PCNX2: variants seen among roughly 807,000 people sequenced by gnomAD.
PCNX2 encodes the protein pecanex 2, also known as pecanex-like protein 2.
Under a neutral mutation model 223.8 loss-of-function variants are expected in PCNX2, and 168 were observed. The ratio of observed to expected loss-of-function variants is 0.75; its 90% confidence interval spans 0.66 to 0.85. PCNX2 has a LOEUF of 0.85. PCNX2 is among the 40% of genes least tolerant of loss of function. PCNX2 has a pLI of 0.00. For synonymous variants in PCNX2, 1,006 were observed against 1,052.6 expected, an observed-to-expected ratio of 0.96 and a Z score of 0.86; for missense variants, 2,507 against 2,675.5, an observed-to-expected ratio of 0.94 and a Z score of 1.39.
chr1:233,124,518 TAGTC>T (rs1675992278), intron 21 of PCNX2, among the ~76,000 whole-genome samples: 1 of 152,184 alleles, frequency 6.6e-6, no homozygotes, highest in South Asian at 2.1e-4. Context: ...TAATGAGAAT[TAGTC>T]AGTCCACATA....
chr1:233,001,540 G>C lies in PCNX2; in HGVS notation c.5094C>G (p.His1698Gln). The change falls in exon 29 of 34, where the codon CAC becomes CAG. Residue 1698 changes from histidine (H) to glutamine (Q), a missense_variant. His to Gln is a conservative substitution (Grantham distance 24, BLOSUM62 0). Transcript: ENST00000258229. This position sits in a 1 kb window ranked among gnomAD's most constrained non-coding sequence, Gnocchi z 4.2. ...APAIRMSLKL[H>Q]QDQFTCPDEY... ...AATAAATAAAATAGGTTTTTACCTG[G>C]TGAAGTTTCAGGGACATCCTGATAG... 1 of 1,370,734 alleles carries C rather than the reference G, an allele frequency of 7.3e-7. No homozygotes were observed. Among genetic ancestry groups the C allele is most frequent in the South Asian group, 2.2e-5 (1 of 44,776 alleles). 84.9% of individuals were successfully genotyped at this position (1,370,734 alleles called of 1,614,324 possible).
intron 12 of PCNX2, 99 bp downstream of exon 12, chr1:233,217,800 G>C: frequency 8.0e-7 from 1 of 1,255,898 alleles, no homozygotes; most frequent in South Asian, 1.4e-5. Flanking sequence ...AGTATAGAGA[G>C]CTAGGTACAG....
rs1256614245 is a variant in PCNX2 at position 233,090,140 on chromosome 1, G to A, written c.3997C>T (p.Pro1333Ser). 1.9e-6 allele frequency: 3 copies of A among 1,613,744 alleles called. No individual in the cohort carries two copies. The highest frequency in any genetic ancestry group is 3.3e-5 in the Admixed American group (2 of 59,990). Residue 1333 changes from proline to serine, a missense_variant, in exon 23 of 34, where the codon CCA becomes TCA. This residue lies in a region of PCNX2 where 1,372 missense variants were observed against 1,509.4 expected (regional missense o/e 0.91). Transcript: ENST00000258229. ...ACACTCCCAAGAAATGGGCTCAATGGGGTAGAAAAGATTGATGTGGCAATC... is the reference window on the plus strand; with the variant it reads ...ACACTCCCAAGAAATGGGCTCAATGAGGTAGAAAAGATTGATGTGGCAATC... ...QTIATSIFSTPLSPFLGSVIF... is the reference protein window; with the variant it reads ...QTIATSIFSTSLSPFLGSVIF...
chr1:233,134,581 G>C (rs1367116195), intron 21 of PCNX2, among the ~76,000 whole-genome samples: 2 of 152,032 alleles, frequency 1.3e-5, no homozygotes, highest in Admixed American at 6.6e-5. Flanking sequence ...AAGGCAGAGA[G>C]GCGGGAAGGC....
chr1:233,303,548 G>A, the PCNX2 span, among the ~76,000 whole-genome samples: 11,103 of 152,140 alleles, frequency 0.073, 445 homozygotes, highest in Non-Finnish European at 0.088. Flanking sequence ...TATCTATAAA[G>A]CCATTTATAC....
At chr1:233,170,950 T>A (rs1679114429) in intron 17 of PCNX2, among the ~76,000 whole-genome samples, 1 of 152,172 alleles carries the variant, frequency 6.6e-6, no homozygotes, top group African/African-American at 2.4e-5. Flanking sequence ...AAATCCGAAA[T>A]GCAAAACACT....
chr1:233,150,019 C>T (rs1677700871), intron 19 of PCNX2, among the ~76,000 whole-genome samples: 1 of 152,062 alleles, frequency 6.6e-6, no homozygotes. Context: ...TCCCAACCCC[C>T]TATGTGTTTC....
chr1:233,026,103 A>T (rs1371921434), intron 25 of PCNX2, among the ~76,000 whole-genome samples: 1 of 152,216 alleles, frequency 6.6e-6, no homozygotes, highest in Non-Finnish European at 1.5e-5. Context: ...ACACAAAAAA[A>T]TAATAATAAA....
Position 232,983,928 on chromosome 1 carries a change from G to C in PCNX2, c.*376C>G, listed in dbSNP as rs905254767. The stretch of plus-strand genomic sequence containing the variant: ...ATCAGGGCATTTGTTTCATGGCTCT[G>C]TTGAGTTGTTTTAAGTTAGTGAATG... On this transcript the variant is annotated 3_prime_UTR_variant, in exon 34 of 34. Coordinates refer to ENST00000258229, the MANE Select transcript of PCNX2 (RefSeq NM_014801.4). The C allele has an allele frequency of 1.2e-5, 2 of 169,630 alleles. No individual in the cohort carries two copies. The highest frequency in any genetic ancestry group is 4.7e-5 in the African/African-American group (2 of 42,238). 10.5% of individuals were successfully genotyped at this position (169,630 alleles called of 1,614,324 possible). A position where few individuals can be genotyped will look rare whatever the true frequency, so the allele number is the denominator to read the frequency against.
chr1:232,998,983 A>G, intron 31 of PCNX2, 122 bp downstream of exon 31: 1 of 1,104,626 alleles, frequency 9.1e-7, no homozygotes, highest in Non-Finnish European at 1.3e-6. Context: ...TGGGGGTAGC[A>G]GTTTTAATCA....
chr1:233,221,522 T>C (rs1002278564), intron 10 of PCNX2, among the ~76,000 whole-genome samples: 1 of 152,216 alleles, frequency 6.6e-6, no homozygotes, highest in Non-Finnish European at 1.5e-5. Flanking sequence ...GTTTCCTGTT[T>C]ATCTATCTTT....
chr1:233,117,743 G>A (rs1675499956), intron 21 of PCNX2, among the ~76,000 whole-genome samples: 1 of 151,648 alleles, frequency 6.6e-6, no homozygotes, highest in Admixed American at 6.6e-5. Flanking sequence ...AGGCGCGGTG[G>A]CTCACGCCTG....
At chr1:233,167,926 G>A (rs575242190) in intron 17 of PCNX2, 8 of 699,646 alleles carry the variant, frequency 1.1e-5, no homozygotes, top group African/African-American at 9.7e-5. Flanking sequence ...ATTTTATTTT[G>A]ATCTTAGTTT....
intron 13 of PCNX2, 53 bp downstream of exon 13, chr1:233,208,465 G>C: frequency 6.5e-7 from 1 of 1,528,686 alleles, no homozygotes; most frequent in Non-Finnish European, 8.9e-7. Flanking sequence ...AGACAAAGGG[G>C]AGACATACCC....
At chr1:233,057,375 G>T in intron 23 of PCNX2, 85 bp from the exon 24 acceptor site, 1 of 1,049,374 alleles carries the variant, frequency 9.5e-7, no homozygotes. Flanking sequence ...CTGCATGAGT[G>T]GAAAATGCAA....
chr1:232,998,495 A>G, intron 31 of PCNX2, 57 bp from the exon 32 acceptor site: 2 of 1,571,828 alleles, frequency 1.3e-6, no homozygotes, highest in Non-Finnish European at 1.7e-6. Context: ...AATCCCCCTA[A>G]ATGCACCACC....
rs558645902 is a variant in PCNX2, at chr1:233,171,251, T to C, written c.3273+6551A>G. Among the ~76,000 whole-genome samples, 3 of 152,282 alleles carry C rather than the reference T, an allele frequency of 2.0e-5. No individual in the cohort carries two copies. The South Asian group carries it at 6.2e-4, about 32-fold the overall frequency. ...TGCCAATGTACCTGCCACTTTCTTT[T>C]CTTTTTGTTCACTTGCAAATCAGAT... On this transcript the variant is annotated intron_variant, in intron 17 of 33. Transcript: ENST00000258229.
chr1:233,314,470 T>G, the PCNX2 span, among the ~76,000 whole-genome samples: 2 of 152,096 alleles, frequency 1.3e-5, no homozygotes, highest in African/African-American at 4.8e-5. Flanking sequence ...CACATACAAG[T>G]TTTTCTAGGT....
intron 25 of PCNX2, among the ~76,000 whole-genome samples, chr1:233,039,678 A>G (rs935052544): frequency 6.6e-6 from 1 of 152,220 alleles, no homozygotes; most frequent in Non-Finnish European, 1.5e-5. Flanking sequence ...CATCGTCTGC[A>G]GTAATAAAAA....
Sources: gnomAD v4.1 joint callset for allele counts (sites outside exome capture counted in the v4.1 genomes callset) on GRCh38, gnomAD v4.1.1 for gene constraint, gnomAD v4.1.1 regional missense constraint, Gnocchi (gnomAD v3.1) non-coding constraint, MANE v1.5 for transcripts, NCBI Gene and HGNC (gene_info 2026-07-23, HGNC 2026-07-21) for gene names.